The following MIS18A variants were observed in gnomAD, a reference collection of about 807,000 sequenced individuals.
The protein encoded by MIS18A is MIS18 kinetochore protein A.
A neutral mutation model predicts 25.0 loss-of-function variants in MIS18A; 14 were observed. That is an observed-to-expected ratio of 0.56 (90% confidence interval 0.37 to 0.88). The LOEUF (loss-of-function observed/expected upper bound fraction) is 0.88. Among genes scored for constraint, MIS18A ranks in the 40% least tolerant of loss-of-function variants. MIS18A has a pLI of 0.00. For synonymous variants in MIS18A, 134 were observed against 118.6 expected (o/e 1.13, Z -0.84); for missense variants, 292 against 290.8 (o/e 1.00, Z -0.03).
the MIS18A span, among the ~76,000 whole-genome samples, chr21:32,159,681 G>GACATCAATCAAAT: frequency 6.6e-6 from 1 of 152,222 alleles, no homozygotes; most frequent in African/African-American, 2.4e-5. Flanking sequence ...GAAGGTGTGA[G>GACATCAATCAAAT]ACATCAATCA....
At chr21:32,161,674 T>C in the MIS18A span, among the ~76,000 whole-genome samples, 1 of 148,966 alleles carries the variant, frequency 6.7e-6, no homozygotes, top group Non-Finnish European at 1.5e-5. Flanking sequence ...GTATTTTTAG[T>C]AGAGATGGGA....
chr21:32,273,112 T>C (rs889175907), intron 2 of MIS18A, among the ~76,000 whole-genome samples: 6 of 151,356 alleles, frequency 4.0e-5, no homozygotes, highest in Admixed American at 3.9e-4. Flanking sequence ...AGAAACTTTT[T>C]TTCTTTTTTT....
chr21:32,222,212 G>A, the MIS18A span, among the ~76,000 whole-genome samples: 1 of 152,086 alleles, frequency 6.6e-6, no homozygotes, highest in Non-Finnish European at 1.5e-5. Context: ...TTACATAATG[G>A]TAAAGGGATC....
chr21:32,249,188 T>C, the MIS18A span, among the ~76,000 whole-genome samples: 3 of 152,180 alleles, frequency 2.0e-5, no homozygotes, highest in Non-Finnish European at 4.4e-5. Context: ...GAGGGGGCCC[T>C]GGCCTCTTAG....
chr21:32,274,938 G>A (rs186385319), intron 1 of MIS18A, 42 bp from the exon 2 acceptor site: 7 of 1,492,574 alleles, frequency 4.7e-6, no homozygotes, highest in South Asian at 4.7e-5. Flanking sequence ...AATGTAGTTC[G>A]TTATAACATA....
At chr21:32,214,398 G>A in the MIS18A span, among the ~76,000 whole-genome samples, 183 of 152,306 alleles carry the variant, frequency 1.2e-3, no homozygotes, top group African/African-American at 4.2e-3. Flanking sequence ...GAGCTGGGAT[G>A]CAGACGGGTT....
the MIS18A span, among the ~76,000 whole-genome samples, chr21:32,247,742 C>A: frequency 1.1e-4 from 16 of 152,254 alleles, no homozygotes; most frequent in South Asian, 3.3e-3. Flanking sequence ...ACCCGCAAGC[C>A]AAGGAGAGAG....
chr21:32,255,784 G>A, the MIS18A span, among the ~76,000 whole-genome samples: 2 of 151,588 alleles, frequency 1.3e-5, no homozygotes, highest in Admixed American at 6.6e-5. Context: ...CTAGCTACTC[G>A]GGAGGTTGAG....
chr21:32,254,402 G>T, the MIS18A span, among the ~76,000 whole-genome samples: 1 of 151,518 alleles, frequency 6.6e-6, no homozygotes, highest in Non-Finnish European at 1.5e-5. Context: ...GTGGTGGCAG[G>T]CACCTGTAAT....
the MIS18A span, among the ~76,000 whole-genome samples, chr21:32,203,613 CTTTTTTT>C: frequency 2.0e-4 from 17 of 85,378 alleles, no homozygotes; most frequent in East Asian, 1.9e-3. Context: ...TTTTTAAATG[CTTTTTTT>C]TTTTTTTTTT....
chr21:32,195,794 T>C, the MIS18A span, among the ~76,000 whole-genome samples: 2 of 151,998 alleles, frequency 1.3e-5, no homozygotes, highest in Non-Finnish European at 2.9e-5. Flanking sequence ...CAGAGGCAGG[T>C]GGATACCTTG....
the MIS18A span, among the ~76,000 whole-genome samples, chr21:32,156,829 C>G: frequency 6.6e-6 from 1 of 151,458 alleles, no homozygotes; most frequent in East Asian, 1.9e-4. Context: ...ACCCCCTTAA[C>G]CCCCAAATTG....
chr21:32,161,275 C>T, the MIS18A span, among the ~76,000 whole-genome samples: 1 of 152,134 alleles, frequency 6.6e-6, no homozygotes, highest in African/African-American at 2.4e-5. Context: ...TGTCTCTTTT[C>T]GGCTGTGACC....
the MIS18A span, among the ~76,000 whole-genome samples, chr21:32,230,102 G>A: frequency 1.3e-5 from 2 of 152,174 alleles, no homozygotes; most frequent in Admixed American, 6.5e-5. Context: ...TACTTCCAAA[G>A]TTCCAGATAG....
the MIS18A span, among the ~76,000 whole-genome samples, chr21:32,254,751 T>C: frequency 6.6e-6 from 1 of 152,206 alleles, no homozygotes; most frequent in Non-Finnish European, 1.5e-5. Flanking sequence ...ATTCTCATTG[T>C]ATGTTCATTC....
the MIS18A span, among the ~76,000 whole-genome samples, chr21:32,159,754 C>A: frequency 6.6e-6 from 1 of 152,072 alleles, no homozygotes; most frequent in African/African-American, 2.4e-5. Flanking sequence ...GTGGGGGCTT[C>A]CAGGCTATAG....
the MIS18A span, among the ~76,000 whole-genome samples, chr21:32,205,739 C>T: frequency 1.3e-5 from 2 of 152,232 alleles, no homozygotes; most frequent in East Asian, 1.9e-4. Context: ...CATTCTGGGC[C>T]GGTTGGCTGC....
At chr21:32,263,801 A>G (rs2123456922), downstream of MIS18A, among the ~76,000 whole-genome samples, 1 of 150,098 alleles carries the variant, frequency 6.7e-6, no homozygotes, top group South Asian at 2.1e-4. Flanking sequence ...GGGTCGGGGA[A>G]GCCTTCTTTT....
the MIS18A span, among the ~76,000 whole-genome samples, chr21:32,198,658 C>T: frequency 1.3e-5 from 2 of 152,208 alleles, no homozygotes; most frequent in African/African-American, 4.8e-5. Context: ...CTGAGGAGGC[C>T]CTGGCTGCTG....
Sources: allele counts gnomAD v4.1 joint callset (sites outside exome capture counted in the v4.1 genomes callset), GRCh38; gene constraint gnomAD v4.1.1; transcripts MANE v1.5; gene names NCBI Gene and HGNC (gene_info 2026-07-23, HGNC 2026-07-21).